The following ZHX3 variants were observed in gnomAD, a reference collection of about 807,000 sequenced individuals.
ZHX3 encodes zinc fingers and homeoboxes protein 3.
A neutral mutation model predicts 64.5 loss-of-function variants in ZHX3; 20 were observed. The observed-to-expected ratio is 0.31, with a 90% CI of 0.22 to 0.45. The LOEUF is 0.45. Among genes scored for constraint, ZHX3 ranks in the 20% least tolerant of loss-of-function variants. ZHX3 has a pLI of 1.00. For missense variants in ZHX3, 1,041 were observed against 1,195.8 expected, an observed-to-expected ratio of 0.87 and a Z score of 1.91; for synonymous variants, 423 against 461.6, an observed-to-expected ratio of 0.92 and a Z score of 1.07.
chr20:41,228,055 GTGGCTCTT>G lies in ZHX3; in HGVS notation c.-150-22997_-150-22990del, dbSNP rs2040380465. On this transcript the variant is annotated intron_variant, in intron 2 of 3. Transcript: ENST00000683867. This position sits in a 1 kb window ranked among gnomAD's most constrained non-coding sequence, Gnocchi z 4.6. ...CACTTGCACCAAGGTCATCAGTCAA[GTGGCTCTT>G]TCCTACTCCTTCAAGTCTCAAACCA... is the stretch of plus-strand genomic sequence containing the variant. 6.6e-6 allele frequency among the ~76,000 whole-genome samples: 1 copy of G among 152,040 alleles called. No individual in the cohort carries two copies. The highest frequency in any genetic ancestry group is 2.4e-5 in the African/African-American group (1 of 41,400).
rs2039822843 is a variant in ZHX3, at chr20:41,219,949, T to G, written c.-150-14883A>C. Among the ~76,000 whole-genome samples, 1 of 152,254 alleles carries G rather than the reference T, an allele frequency of 6.6e-6. No homozygotes were observed. Among genetic ancestry groups the G allele is most frequent in the Non-Finnish European group, 1.5e-5 (1 of 68,040 alleles). On this transcript the variant is annotated intron_variant, in intron 2 of 3. Transcript: ENST00000683867. This position sits in a 1 kb window ranked among gnomAD's most constrained non-coding sequence, Gnocchi z 5.0. ...AAGAAGAACAATAGCTGACCTGCCATGTACATGCAGTATGAACAAGAAATA... is the reference window on the plus strand; with the variant it reads ...AAGAAGAACAATAGCTGACCTGCCAGGTACATGCAGTATGAACAAGAAATA...
chr20:41,283,069 C>T (rs2043771367), intron 1 of ZHX3, among the ~76,000 whole-genome samples: 1 of 152,112 alleles, frequency 6.6e-6, no homozygotes, highest in South Asian at 2.1e-4. Context: ...CCACCATGCC[C>T]AGCTAATTTT....
intron 1 of ZHX3, among the ~76,000 whole-genome samples, chr20:41,279,608 G>T (rs1026691394): frequency 6.6e-6 from 1 of 151,804 alleles, no homozygotes; most frequent in African/African-American, 2.4e-5. Context: ...CTCTTAAAAT[G>T]ACCAATATAA....
At chr20:41,297,045 C>G (rs1412303701) in intron 1 of ZHX3, among the ~76,000 whole-genome samples, 2 of 152,222 alleles carry the variant, frequency 1.3e-5, no homozygotes, top group Non-Finnish European at 2.9e-5. Flanking sequence ...TTGAAGTAAA[C>G]TCTCTTGGAA....
rs929568134 is a variant in ZHX3 at position 41,228,166 on chromosome 20, A to C, written c.-150-23100T>G. 3.3e-5 allele frequency among the ~76,000 whole-genome samples: 5 copies of C among 152,108 alleles called. No homozygotes were observed. Among genetic ancestry groups the C allele is most frequent in the Non-Finnish European group, 5.9e-5 (4 of 68,000 alleles). On this transcript the variant is annotated intron_variant, in intron 2 of 3. Coordinates refer to ENST00000683867, the MANE Select transcript of ZHX3 (RefSeq NM_001384317.1). The surrounding 1 kb of genome is among the most constrained non-coding windows in gnomAD (Gnocchi z 4.6). ...AGCAAACTCATGCCCAGGACTTTGC[A>C]ATCTCCTCTACCCAAGAGATTTCCA... is the stretch of plus-strand genomic sequence containing the variant.
chr20:41,277,661 C>T (rs545553604), intron 1 of ZHX3, among the ~76,000 whole-genome samples: 3 of 151,070 alleles, frequency 2.0e-5, no homozygotes, highest in East Asian at 4.0e-4. Context: ...GTGTGATCTC[C>T]GCTCACTGCA....
At position 41,184,866 on chromosome 20, in the gene ZHX3, A is replaced by G. The variant is rs995761776; in HGVS notation, c.*325T>C. On this transcript the variant is annotated 3_prime_UTR_variant, in exon 4 of 4. Transcript: ENST00000683867. The stretch of plus-strand genomic sequence containing the variant: ...TGTTTTATTTAACATATAGAGGTGG[A>G]TGTATATGTTAAAAGCTTGATTCTG... 4.7e-6 allele frequency: 7 copies of G among 1,478,508 alleles called. No homozygotes were observed. The highest frequency in any genetic ancestry group is 6.3e-6 in the Non-Finnish European group (7 of 1,109,204). 91.6% of individuals were successfully genotyped at this position (1,478,508 alleles called of 1,614,324 possible). A position where few individuals can be genotyped will look rare whatever the true frequency, so the allele number is the denominator to read the frequency against.
chr20:41,201,072 CCACTA>C lies in ZHX3; in HGVS notation c.2860+980_2860+984del, dbSNP rs1354491927. On this transcript the variant is annotated intron_variant, in intron 3 of 3. Coordinates refer to ENST00000683867, the MANE Select transcript of ZHX3 (RefSeq NM_001384317.1). This position sits in a 1 kb window ranked among gnomAD's most constrained non-coding sequence, Gnocchi z 5.0. ...TTCTGTGGGATTTCTGAGGGATAGG[CCACTA>C]TGGTTGGCCCTGGGGATGAGGTACC... Among the ~76,000 whole-genome samples, 1 of 152,176 alleles carries C rather than the reference CCACTA, an allele frequency of 6.6e-6. No individual in the cohort carries two copies. Among genetic ancestry groups the C allele is most frequent in the Non-Finnish European group, 1.5e-5 (1 of 68,036 alleles).
At chr20:41,218,773 C>G (rs1446237576) in intron 2 of ZHX3, among the ~76,000 whole-genome samples, 1 of 152,178 alleles carries the variant, frequency 6.6e-6, no homozygotes, top group Non-Finnish European at 1.5e-5. Flanking sequence ...TCTAAATCCT[C>G]AAATGTCAAA....
intron 2 of ZHX3, among the ~76,000 whole-genome samples, chr20:41,208,169 A>G (rs1029710598): frequency 1.6e-4 from 24 of 152,258 alleles, no homozygotes; most frequent in African/African-American, 2.4e-5. Context: ...GAATACACCA[A>G]TAACAGGTTC....
rs1327841738 is a variant in ZHX3, at chr20:41,201,188, G to GT, written c.2860+868dup. On this transcript the variant is annotated intron_variant, in intron 3 of 3. Transcript: ENST00000683867. The surrounding 1 kb of genome is among the most constrained non-coding windows in gnomAD (Gnocchi z 5.0). ...CCCAACACCACAAATAGTGTCTCCT[G>GT]TACCCCCTCCCACATTGCCAACTCA... 2 of 824,108 alleles carry GT rather than the reference G, an allele frequency of 2.4e-6. No homozygotes were observed. Among genetic ancestry groups the GT allele is most frequent in the East Asian group, 1.3e-4 (2 of 15,530 alleles). The allele number at this position is 824,108 out of a possible 1,614,324, so 51.0% of individuals were successfully genotyped here.
Position 41,201,651 on chromosome 20 carries a change from G to A in ZHX3, c.2860+406C>T, listed in dbSNP as rs1489007534. On this transcript the variant is annotated intron_variant, in intron 3 of 3. Coordinates refer to ENST00000683867, the MANE Select transcript of ZHX3 (RefSeq NM_001384317.1). This position sits in a 1 kb window ranked among gnomAD's most constrained non-coding sequence, Gnocchi z 5.0. ...CATTATGTATCTAAGGACAATTAAA[G>A]GCTCTCTTTCCTTTTCATCAATTTG... Among the ~76,000 whole-genome samples the A allele has an allele frequency of 6.6e-6, 1 of 152,124 alleles. No individual in the cohort carries two copies. Among genetic ancestry groups the A allele is most frequent in the Non-Finnish European group, 1.5e-5 (1 of 68,030 alleles).
At chr20:41,289,957 C>T (rs370126430) in intron 1 of ZHX3, among the ~76,000 whole-genome samples, 8 of 152,180 alleles carry the variant, frequency 5.3e-5, no homozygotes, top group East Asian at 3.8e-4. Flanking sequence ...CTAATAATAA[C>T]GCCAAACATT....
At chr20:41,316,249 C>T (rs990278142) in intron 1 of ZHX3, among the ~76,000 whole-genome samples, 3 of 152,094 alleles carry the variant, frequency 2.0e-5, no homozygotes, top group African/African-American at 7.2e-5. Context: ...ACAGAAGGGC[C>T]CTTTTCATTC....
chr20:41,270,404 G>A (rs1158390857), intron 1 of ZHX3, among the ~76,000 whole-genome samples: 4 of 148,996 alleles, frequency 2.7e-5, no homozygotes, highest in African/African-American at 7.5e-5. Flanking sequence ...GGCCGGGCAC[G>A]GTGGCTCACA....
At chr20:41,281,350 T>C (rs906589373) in intron 1 of ZHX3, among the ~76,000 whole-genome samples, 1 of 152,176 alleles carries the variant, frequency 6.6e-6, no homozygotes, top group African/African-American at 2.4e-5. Context: ...CTCAAAGGTG[T>C]ACTGTAGCAA....
chr20:41,251,283 A>AAAAAATT (rs908821531), intron 2 of ZHX3, among the ~76,000 whole-genome samples: 8 of 152,144 alleles, frequency 5.3e-5, no homozygotes, highest in African/African-American at 1.9e-4. Context: ...CTGTGTCTTA[A>AAAAAATT]AAAAATTAAA....
rs2040311501 is a variant in ZHX3, at chr20:41,226,980, G to A, written c.-150-21914C>T. ...CTTTATGAGTACTGTTTTGAATGCT[G>A]TTAATATTTCATCAGGAAGTATCAG... On this transcript the variant is annotated intron_variant, in intron 2 of 3. Transcript: ENST00000683867. The surrounding 1 kb of genome is among the most constrained non-coding windows in gnomAD (Gnocchi z 4.4). 1.3e-5 allele frequency among the ~76,000 whole-genome samples: 2 copies of A among 152,160 alleles called. No individual in the cohort carries two copies. Among genetic ancestry groups the A allele is most frequent in the South Asian group, 2.1e-4 (1 of 4,834 alleles).
chr20:41,188,509 A>G (rs1006659017), intron 3 of ZHX3: 1 of 148,252 alleles, frequency 6.7e-6, no homozygotes, highest in African/African-American at 2.5e-5. Flanking sequence ...TCCTGGGCTC[A>G]ACTGATCCCC....
Sources: gnomAD v4.1 joint callset for allele counts (sites outside exome capture counted in the v4.1 genomes callset) on GRCh38, gnomAD v4.1.1 for gene constraint, Gnocchi (gnomAD v3.1) non-coding constraint, MANE v1.5 for transcripts, NCBI Gene and HGNC (gene_info 2026-07-23, HGNC 2026-07-21) for gene names.